MUC17: variants seen among roughly 807,000 people sequenced by gnomAD.
The protein encoded by MUC17 is mucin 17, cell surface associated.
MUC17 carries 190 observed loss-of-function variants against 170.3 expected under a neutral mutation model. That is an observed-to-expected ratio of 1.12 (90% CI 0.99 to 1.26). The LOEUF is 1.26. Among genes scored for constraint, MUC17 ranks in the 50% most tolerant of loss-of-function variants. The probability of loss-of-function intolerance (pLI) is 0.00; values close to 1 mark genes in which losing one functional copy is unlikely to be tolerated. For synonymous variants in MUC17, 2,325 were observed against 2,002.5 expected, an observed-to-expected ratio of 1.16 and a Z score of -4.30; for missense variants, 6,415 against 5,530.0, an observed-to-expected ratio of 1.16 and a Z score of -5.08.
At position 101,037,070 on chromosome 7, in the gene MUC17, A is replaced by T. The variant is rs866464381; in HGVS notation, c.5654A>T (p.Asn1885Ile). The change falls in exon 3 of 13, where the codon AAC becomes ATC. Residue 1885 changes from asparagine to isoleucine, a missense_variant. Coordinates refer to ENST00000306151, the MANE Select transcript of MUC17 (RefSeq NM_001040105.2). ...ACAACAGTGGCCAGTTCTGAAACCA[A>T]CACCCTTTCAACAACTCCCGCTGTC... The part of the protein sequence containing the change: ...STTTVASSET[N>I]TLSTTPAVTS... 6.3e-7 allele frequency: 1 copy of T among 1,581,414 alleles called. No individual in the cohort carries two copies. Among genetic ancestry groups the T allele is most frequent in the Non-Finnish European group, 8.5e-7 (1 of 1,177,620 alleles).
At position 101,042,398 on chromosome 7, in the gene MUC17, A is replaced by G; in HGVS notation, c.10982A>G (p.Asp3661Gly). The change falls in exon 3 of 13, where the codon GAC becomes GGC. Residue 3661 changes from aspartate (D) to glycine (G), a missense_variant. By Grantham distance (94) the Asp-to-Gly change is moderately conservative (BLOSUM62 -1). Transcript: ENST00000306151. ...EAGTASTLPV[D>G]TSTPVITSTQ... is the part of the protein sequence containing the mutation. ...GGCACAGCTTCAACACTTCCTGTTG[A>G]CACCAGCACACCTGTGATCACTTCT... 2 of 1,613,784 alleles carry G rather than the reference A, an allele frequency of 1.2e-6. No homozygotes were observed. Among genetic ancestry groups the G allele is most frequent in the Non-Finnish European group, 1.7e-6 (2 of 1,179,900 alleles).
intron 1 of MUC17, among the ~76,000 whole-genome samples, chr7:101,023,259 C>A (rs544153922): frequency 9.2e-5 from 14 of 152,138 alleles, no homozygotes; most frequent in African/African-American, 3.1e-4. Context: ...ACCCTATCTC[C>A]AAATAAGGCC....
At chr7:101,056,845 T>TA (rs1178807578) in intron 12 of MUC17, among the ~76,000 whole-genome samples, 1 of 148,382 alleles carries the variant, frequency 6.7e-6, no homozygotes, top group Non-Finnish European at 1.5e-5. Context: ...CTTTTATTAC[T>TA]ATTTTTTTTT....
chr7:101,041,465 C>T lies in MUC17; in HGVS notation c.10049C>T (p.Thr3350Met), dbSNP rs150088438. The change falls in exon 3 of 13, where the codon ACG becomes ATG. Residue 3350 changes from threonine to methionine, a missense_variant. Thr to Met is a moderately conservative substitution (Grantham distance 81). Coordinates refer to ENST00000306151, the MANE Select transcript of MUC17 (RefSeq NM_001040105.2). ...CTAACAAATATGTCTTTCAGCACCACGCCAGTGGTCAGTTCTGAGGCTAGC... is the reference window on the plus strand; with the variant it reads ...CTAACAAATATGTCTTTCAGCACCATGCCAGTGGTCAGTTCTGAGGCTAGC... Reference protein sequence around the residue: ...TPLTNMSFSTTPVVSSEASTL... With the variant: ...TPLTNMSFSTMPVVSSEASTL... 5.1e-5 allele frequency: 83 copies of T among 1,613,962 alleles called. No individual in the cohort carries two copies. The East Asian group carries it at 9.8e-4, about 19-fold the overall frequency.
Position 101,036,382 on chromosome 7 carries a change from G to T in MUC17, c.4966G>T (p.Val1656Phe). The change falls in exon 3 of 13, where the codon GTT (valine) becomes TTT (phenylalanine). Residue 1656 changes from valine to phenylalanine, a missense_variant. Val to Phe is a conservative substitution (Grantham distance 50). Coordinates refer to ENST00000306151, the MANE Select transcript of MUC17 (RefSeq NM_001040105.2). The stretch of plus-strand genomic sequence containing the variant: ...GGCTAGCACCCTTTCAACAACTCCT[G>T]TTGACTCCAACAGTCCTGTGATCAC... ...PEASTLSTTP[V>F]DSNSPVITST... The T allele has an allele frequency of 6.2e-7, 1 of 1,608,738 alleles. No individual in the cohort carries two copies. The highest frequency in any genetic ancestry group is 8.5e-7 in the Non-Finnish European group (1 of 1,178,308).
intron 1 of MUC17, among the ~76,000 whole-genome samples, chr7:101,022,926 G>T (rs1348998228): frequency 1.3e-5 from 2 of 152,142 alleles, no homozygotes; most frequent in Admixed American, 6.5e-5. Flanking sequence ...AGAAAAAACT[G>T]TAGTTTTTGC....
rs766569427 is a variant in MUC17 at position 101,042,174 on chromosome 7, A to C, written c.10758A>C (p.Thr3586=). ...TAACAACTATGCTCCTCAGCAGCAC[A>C]TATGTGACCAGTTCTGAGGCTAGCA... ...SSLTTMLLSS[T]YVTSSEASTP... The change falls in exon 3 of 13, where the codon ACA becomes ACC. Residue 3586 remains threonine (T), a synonymous_variant. Transcript: ENST00000306151. The C allele has an allele frequency of 2.5e-6, 4 of 1,613,646 alleles. No individual in the cohort carries two copies. In the Admixed American group the frequency reaches 6.7e-5, roughly 27 times the overall value.
chr7:101,047,704 G>A (rs914595766), intron 3 of MUC17, among the ~76,000 whole-genome samples: 2 of 152,094 alleles, frequency 1.3e-5, no homozygotes, highest in South Asian at 2.1e-4. Flanking sequence ...GGTGGCACGC[G>A]CCTGTAATCT....
At position 101,040,163 on chromosome 7, in the gene MUC17, C is replaced by G. The variant is rs775729841; in HGVS notation, c.8747C>G (p.Thr2916Ser). ...GSSSPTTAEG[T>S]SMPISTPSEV... ...TCTTCTCCTACAACTGCTGAAGGTACCAGCATGCCAATCTCAACTCCTAGT... is the reference window on the plus strand; with the variant it reads ...TCTTCTCCTACAACTGCTGAAGGTAGCAGCATGCCAATCTCAACTCCTAGT... Residue 2916 changes from threonine to serine, a missense_variant, in exon 3 of 13, where the codon ACC becomes AGC. Physicochemically the swap from Thr to Ser is moderately conservative, Grantham distance 58. Transcript: ENST00000306151. 2 of 1,612,546 alleles carry G rather than the reference C, an allele frequency of 1.2e-6. No individual in the cohort carries two copies. The highest frequency in any genetic ancestry group is 1.1e-5 in the South Asian group (1 of 90,992).
chr7:101,036,272 G>A lies in MUC17; in HGVS notation c.4856G>A (p.Ser1619Asn), dbSNP rs147244857. ...EASSSTTAEG[S>N]SMTISTPSEG... ...AGTTCATCTACAACCGCTGAAGGTA[G>A]CAGCATGACAATCTCAACTCCTAGT... Residue 1619 changes from serine (S) to asparagine (N), a missense_variant, in exon 3 of 13, where the codon AGC becomes AAC. Physicochemically the swap from Ser to Asn is conservative, Grantham distance 46. Coordinates refer to ENST00000306151, the MANE Select transcript of MUC17 (RefSeq NM_001040105.2). 1.4e-5 allele frequency: 22 copies of A among 1,613,016 alleles called. No homozygotes were observed. The highest frequency in any genetic ancestry group is 1.6e-4 in the Middle Eastern group (1 of 6,082).
intron 1 of MUC17, among the ~76,000 whole-genome samples, chr7:101,022,816 T>TA (rs1049073814): frequency 0.01 from 1,531 of 148,672 alleles, 7 homozygotes; most frequent in Non-Finnish European, 0.016. Flanking sequence ...ACCCTGTCTC[T>TA]AAAAAAAAAA....
chr7:101,035,659 A>G lies in MUC17; in HGVS notation c.4243A>G (p.Thr1415Ala). 1 of 1,609,586 alleles carries G rather than the reference A, an allele frequency of 6.2e-7. No individual in the cohort carries two copies. The highest frequency in any genetic ancestry group is 1.3e-5 in the African/African-American group (1 of 74,958). The change falls in exon 3 of 13, where the codon ACC becomes GCC. Residue 1415 changes from threonine to alanine, a missense_variant. Coordinates refer to ENST00000306151, the MANE Select transcript of MUC17 (RefSeq NM_001040105.2). ...GCCGGTAGTCAGTTCTGAGGCTAGC[A>G]CCCTTTCAGCAACTCCTGTTGACAC... ...TTPVVSSEAS[T>A]LSATPVDTST...
chr7:101,027,558 T>C (rs1212261918), intron 1 of MUC17, among the ~76,000 whole-genome samples: 1 of 152,248 alleles, frequency 6.6e-6, no homozygotes, highest in Admixed American at 6.5e-5. Context: ...ATCTGTAGAA[T>C]CTGAGAGCCC....
chr7:101,042,259 T>G lies in MUC17; in HGVS notation c.10843T>G (p.Ser3615Ala). ...TPVTTSTQSN[S>A]TPTPPEVITL... The stretch of plus-strand genomic sequence containing the variant: ...TGTGACCACTTCTACTCAGAGCAAT[T>G]CTACTCCTACACCTCCTGAAGTTAT... The change falls in exon 3 of 13, where the codon TCT becomes GCT. Residue 3615 changes from serine (S) to alanine (A), a missense_variant. Coordinates refer to ENST00000306151, the MANE Select transcript of MUC17 (RefSeq NM_001040105.2). 1.2e-6 allele frequency: 2 copies of G among 1,613,890 alleles called. No individual in the cohort carries two copies. The highest frequency in any genetic ancestry group is 1.3e-5 in the African/African-American group (1 of 74,920).
chr7:101,050,689 G>A, intron 7 of MUC17, 54 bp downstream of exon 7: 2 of 1,584,242 alleles, frequency 1.3e-6, no homozygotes, highest in Non-Finnish European at 1.7e-6. Flanking sequence ...GCTGGGGCAT[G>A]ACTTTCTTAA....
chr7:101,026,641 G>A (rs1003076562), intron 1 of MUC17, among the ~76,000 whole-genome samples: 56 of 152,192 alleles, frequency 3.7e-4, no homozygotes, highest in African/African-American at 1.1e-3. Flanking sequence ...CTGGAGTGCG[G>A]TGGTGCCATC....
chr7:101,051,799 C>G lies in MUC17; in HGVS notation c.12944-4C>G, dbSNP rs1351082596. ...CTGTTCCCTGTCCCTGCACCCCCCA[C>G]CAGAGGACTGCCGGAAGATGGCCAA... On this transcript the variant is annotated splice_polypyrimidine_tract_variant and splice_region_variant and intron_variant, in intron 8 of 12. Coordinates refer to ENST00000306151, the MANE Select transcript of MUC17 (RefSeq NM_001040105.2). 1 of 1,612,884 alleles carries G rather than the reference C, an allele frequency of 6.2e-7. No individual in the cohort carries two copies. The highest frequency in any genetic ancestry group is 1.1e-5 in the South Asian group (1 of 90,966).
chr7:101,037,981 AG>A lies in MUC17; in HGVS notation c.6566del (p.Ser2189ThrfsTer4). 6.2e-7 allele frequency: 1 copy of A among 1,608,538 alleles called. No homozygotes were observed. The highest frequency in any genetic ancestry group is 1.7e-5 in the Admixed American group (1 of 59,464). On this transcript the variant is annotated frameshift_variant, in exon 3 of 13. Coordinates refer to ENST00000306151, the MANE Select transcript of MUC17 (RefSeq NM_001040105.2). LOFTEE classifies it high-confidence loss of function. ...CCTTTCAACAACTCCTGTTGACACC[AG>A]CACACCTGTGACCAATTCTACTGAA... ...STLSTTPVDT[S>X]TPVTNSTEAR...
Position 101,036,773 on chromosome 7 carries a change from C to A in MUC17, c.5357C>A (p.Ala1786Asp), listed in dbSNP as rs186034438. Residue 1786 changes from alanine (A) to aspartate (D), a missense_variant, in exon 3 of 13, where the codon GCC becomes GAC. Transcript: ENST00000306151. Reference protein sequence around the residue: ...TSTPVTTSTEATSSPTTAEGT... With the variant: ...TSTPVTTSTEDTSSPTTAEGT... ...ACCCCTGTGACCACTTCTACTGAAG[C>A]CACTTCGTCTCCTACAACTGCTGAA... The A allele has an allele frequency of 6.2e-7, 1 of 1,612,048 alleles. No homozygotes were observed. Among genetic ancestry groups the A allele is most frequent in the Non-Finnish European group, 8.5e-7 (1 of 1,179,394 alleles).
Sources: gnomAD v4.1 joint callset for allele counts (sites outside exome capture counted in the v4.1 genomes callset) on GRCh38, gnomAD v4.1.1 for gene constraint, MANE v1.5 for transcripts, NCBI Gene and HGNC (gene_info 2026-07-23, HGNC 2026-07-21) for gene names.